ERBB4: variants seen among roughly 807,000 people sequenced by gnomAD.
The protein encoded by ERBB4 is erb-b2 receptor tyrosine kinase 4, also known as receptor tyrosine-protein kinase erbB-4.
In ERBB4, 42 loss-of-function variants were observed where a neutral mutation model predicts 158.0. That is an observed-to-expected ratio of 0.27 (90% CI 0.21 to 0.34). The LOEUF (loss-of-function observed/expected upper bound fraction) is 0.34. Ranked by LOEUF, ERBB4 falls within the 10% of genes least tolerant of loss-of-function variation. The pLI, the probability that ERBB4 is intolerant of heterozygous loss-of-function variation, is 1.00. For synonymous variants in ERBB4, 583 were observed against 558.7 expected (o/e 1.04, Z -0.61); for missense variants, 1,333 against 1,624.1 (o/e 0.82, Z 3.08).
intron 9 of ERBB4, among the ~76,000 whole-genome samples, chr2:211,709,286 T>C (rs1177404551): frequency 7.0e-6 from 1 of 143,732 alleles, no homozygotes; most frequent in African/African-American, 2.7e-5. Flanking sequence ...CATACATATA[T>C]ATATACATAT....
intron 7 of ERBB4, among the ~76,000 whole-genome samples, chr2:211,721,461 A>AAAAAAAAAAAAAAC (rs2074089787): frequency 6.7e-6 from 1 of 149,230 alleles, no homozygotes; most frequent in Admixed American, 6.7e-5. Flanking sequence ...AAAAAAAAAA[A>AAAAAAAAAAAAAAC]AAAATAGAGT....
At position 211,735,542 on chromosome 2, in the gene ERBB4, C is replaced by T. The variant is rs184485009; in HGVS notation, c.623-10348G>A. The stretch of plus-strand genomic sequence containing the variant: ...AGTGATCAAACACGTGTCTGCATTA[C>T]GTCTCTGAAAAACAGCTTGGCTGAT... On this transcript the variant is annotated intron_variant, in intron 5 of 27. Transcript: ENST00000342788. Among the ~76,000 whole-genome samples, 350 of 152,236 alleles carry T rather than the reference C, an allele frequency of 2.3e-3. 2 individuals are homozygous for T. The highest frequency in any genetic ancestry group is 3.0e-3 in the Non-Finnish European group (205 of 68,024).
intron 19 of ERBB4, among the ~76,000 whole-genome samples, chr2:211,587,323 G>A (rs1342804470): frequency 6.6e-6 from 1 of 152,122 alleles, no homozygotes; most frequent in Non-Finnish European, 1.5e-5. Context: ...CCACTGCACT[G>A]TAGCCTAGGC....
At chr2:212,290,663 CGTGTGTGT>C (rs147501591) in intron 1 of ERBB4, among the ~76,000 whole-genome samples, 3 of 150,312 alleles carry the variant, frequency 2.0e-5, no homozygotes, top group Non-Finnish European at 4.4e-5. Context: ...TATTTCTTTT[CGTGTGTGT>C]GTGTGTGTGC....
chr2:211,834,563 C>T (rs1043278423), intron 3 of ERBB4, among the ~76,000 whole-genome samples: 1 of 151,326 alleles, frequency 6.6e-6, no homozygotes, highest in African/African-American at 2.4e-5. Context: ...ATTAGGAGAA[C>T]AGTTAATATT....
intron 3 of ERBB4, among the ~76,000 whole-genome samples, chr2:211,854,106 A>C (rs2077789705): frequency 6.6e-6 from 1 of 152,118 alleles, no homozygotes. Context: ...GAGAATATAA[A>C]TTGTGTAACA....
intron 2 of ERBB4, among the ~76,000 whole-genome samples, chr2:212,054,805 A>T (rs1383902687): frequency 6.6e-6 from 1 of 152,140 alleles, no homozygotes; most frequent in Admixed American, 6.5e-5. Flanking sequence ...GGATGAAAGT[A>T]TTGATTAATA....
intron 1 of ERBB4, among the ~76,000 whole-genome samples, chr2:212,486,790 T>C (rs1487552013): frequency 6.6e-6 from 1 of 152,188 alleles, no homozygotes; most frequent in Non-Finnish European, 1.5e-5. Flanking sequence ...CACAGTTACC[T>C]TGTAAGCAGC....
chr2:212,002,333 G>A (rs995609327), intron 2 of ERBB4, among the ~76,000 whole-genome samples: 1 of 152,120 alleles, frequency 6.6e-6, no homozygotes, highest in Non-Finnish European at 1.5e-5. Flanking sequence ...TCTAAAAGAT[G>A]GATCAGCTGA....
chr2:211,940,998 C>T (rs2080478588), intron 3 of ERBB4, among the ~76,000 whole-genome samples: 1 of 152,212 alleles, frequency 6.6e-6, no homozygotes, highest in Middle Eastern at 3.4e-3. Context: ...ATGTTTCTAT[C>T]GACTGGTATT....
chr2:212,530,717 T>A (rs34511581), intron 1 of ERBB4, among the ~76,000 whole-genome samples: 24,288 of 151,950 alleles, frequency 0.16, 2,422 homozygotes, highest in Non-Finnish European at 0.23. Flanking sequence ...AGGTTTATGA[T>A]CCCCACTTGT....
chr2:211,884,115 A>C (rs1457898103), intron 3 of ERBB4, among the ~76,000 whole-genome samples: 1 of 152,204 alleles, frequency 6.6e-6, no homozygotes, highest in African/African-American at 2.4e-5. Flanking sequence ...TAAGTTTCTC[A>C]GATCCATTTT....
At chr2:212,382,003 C>A (rs1215110116) in intron 1 of ERBB4, among the ~76,000 whole-genome samples, 6 of 150,874 alleles carry the variant, frequency 4.0e-5, no homozygotes, top group Admixed American at 2.7e-4. Context: ...GGAGCAGAAG[C>A]AACAGCATCA....
intron 19 of ERBB4, among the ~76,000 whole-genome samples, chr2:211,566,629 A>G (rs1440054104): frequency 1.3e-5 from 2 of 152,210 alleles, no homozygotes; most frequent in Non-Finnish European, 2.9e-5. Flanking sequence ...TTAATCTAGT[A>G]TTAAGTGTAT....
chr2:212,171,708 G>T (rs1264621475), intron 1 of ERBB4, among the ~76,000 whole-genome samples: 2 of 152,076 alleles, frequency 1.3e-5, no homozygotes, highest in Non-Finnish European at 2.9e-5. Context: ...CCTTTACATA[G>T]TTCTCTTGCC....
chr2:212,407,425 G>T (rs1386882257), intron 1 of ERBB4, among the ~76,000 whole-genome samples: 1 of 151,894 alleles, frequency 6.6e-6, no homozygotes, highest in African/African-American at 2.4e-5. Context: ...TACAGATAAA[G>T]AAACTGAGGC....
intron 1 of ERBB4, among the ~76,000 whole-genome samples, chr2:212,517,471 T>G (rs1414752471): frequency 6.6e-6 from 1 of 152,088 alleles, no homozygotes; most frequent in African/African-American, 2.4e-5. Context: ...ACCACACCAT[T>G]ATTATCAATG....
chr2:211,580,874 TA>T (rs377511327), intron 19 of ERBB4, among the ~76,000 whole-genome samples: 1 of 926 alleles, frequency 1.1e-3, no homozygotes, highest in Non-Finnish European at 3.1e-3. Context: ...TACATATATA[TA>T]TATATATATA....
At chr2:211,756,689 GA>G (rs1239071349) in intron 4 of ERBB4, among the ~76,000 whole-genome samples, 1 of 152,180 alleles carries the variant, frequency 6.6e-6, no homozygotes, top group Non-Finnish European at 1.5e-5. Flanking sequence ...TGAGGTACAG[GA>G]ATCCCTAGTT....
Sources: gnomAD v4.1 joint callset for allele counts (sites outside exome capture counted in the v4.1 genomes callset) on GRCh38, gnomAD v4.1.1 for gene constraint, MANE v1.5 for transcripts, NCBI Gene and HGNC (gene_info 2026-07-23, HGNC 2026-07-21) for gene names.